SRRM3: variants seen among roughly 807,000 people sequenced by gnomAD.
SRRM3 encodes serine/arginine repetitive matrix 3.
Under a neutral mutation model 66.2 loss-of-function variants are expected in SRRM3, and 27 were observed. The observed-to-expected ratio is 0.41, with a 90% CI of 0.30 to 0.56. The LOEUF (loss-of-function observed/expected upper bound fraction) is 0.56, where lower values mean the gene tolerates loss of function less well. Ranked by LOEUF, SRRM3 falls within the 20% of genes least tolerant of loss-of-function variation. The pLI, the probability that SRRM3 is intolerant of heterozygous loss-of-function variation, is 0.32. For synonymous variants in SRRM3, 391 were observed against 414.9 expected (o/e 0.94, Z 0.70); for missense variants, 918 against 991.9 (o/e 0.93, Z 1.00).
intron 3 of SRRM3, among the ~76,000 whole-genome samples, chr7:76,257,322 G>A (rs1252564237): frequency 4.6e-5 from 7 of 151,852 alleles, no homozygotes. Flanking sequence ...CTGAAACCAG[G>A]GCTAAGCCTC....
At chr7:76,254,148 C>T (rs1801649146) in intron 3 of SRRM3, among the ~76,000 whole-genome samples, 1 of 151,926 alleles carries the variant, frequency 6.6e-6, no homozygotes, top group East Asian at 1.9e-4. Flanking sequence ...CAGGCATGCA[C>T]CACCACATCC....
intron 1 of SRRM3, among the ~76,000 whole-genome samples, chr7:76,229,741 C>CTTTTT (rs869140956): frequency 7.5e-5 from 10 of 133,076 alleles, no homozygotes; most frequent in South Asian, 2.4e-4. Flanking sequence ...TCTTCTTCTT[C>CTTTTT]TTTTTTTTTT....
In SRRM3 at chr7:76,217,981, C is replaced by T. The variant is rs549794774; in HGVS notation, c.-40+15914C>T. Among the ~76,000 whole-genome samples, 11 of 152,280 alleles carry T rather than the reference C, an allele frequency of 7.2e-5. No individual in the cohort carries two copies. The South Asian group carries it at 2.1e-3, about 29-fold the overall frequency. On this transcript the variant is annotated intron_variant, in intron 1 of 14. Transcript: ENST00000611745. ...AATGGTGCAGTTTAGACTAACACTA[C>T]CCAAGCCCTGCCAGTATCCAGGCCC...
intron 8 of SRRM3, among the ~76,000 whole-genome samples, chr7:76,262,343 T>A (rs1244166860): frequency 3.3e-5 from 5 of 151,836 alleles, no homozygotes; most frequent in South Asian, 2.1e-4. Context: ...CTGTCTCTAC[T>A]GAAAATACGA....
chr7:76,260,007 C>T lies in SRRM3; in HGVS notation c.437C>T (p.Ser146Phe). ...CCAGTGGACTGTGACTGCCCGGCCT[C>T]CTGCTACCGCGGCCACCGCGGGTAC... ...DGPVDCDCPA[S>F]CYRGHRGYRT... Residue 146 changes from serine (S) to phenylalanine (F), a missense_variant, in exon 4 of 15, where the codon TCC becomes TTC. Coordinates refer to ENST00000611745, the MANE Select transcript of SRRM3 (RefSeq NM_001110199.3). 1.3e-6 allele frequency: 2 copies of T among 1,582,312 alleles called. No homozygotes were observed. Among genetic ancestry groups the T allele is most frequent in the Non-Finnish European group, 1.7e-6 (2 of 1,169,900 alleles).
intron 11 of SRRM3, among the ~76,000 whole-genome samples, chr7:76,274,101 A>G (rs1554610817): frequency 6.6e-6 from 1 of 152,202 alleles, no homozygotes; most frequent in Non-Finnish European, 1.5e-5. Flanking sequence ...GACTTCGGTC[A>G]CCCCGCTGGC....
intron 14 of SRRM3, among the ~76,000 whole-genome samples, chr7:76,284,441 G>T (rs1228999108): frequency 6.6e-6 from 1 of 152,182 alleles, no homozygotes; most frequent in Non-Finnish European, 1.5e-5. Flanking sequence ...GCCTCCCAAA[G>T]TGGTGGGATT....
chr7:76,235,119 C>G lies in SRRM3; in HGVS notation c.53C>G (p.Ala18Gly). 1 of 1,585,804 alleles carries G rather than the reference C, an allele frequency of 6.3e-7. No individual in the cohort carries two copies. Among genetic ancestry groups the G allele is most frequent in the South Asian group, 1.1e-5 (1 of 88,066 alleles). Residue 18 changes from alanine (A) to glycine (G), a missense_variant, in exon 2 of 15, where the codon GCC (alanine) becomes GGC (glycine). Ala to Gly is a moderately conservative substitution (Grantham distance 60). Coordinates refer to ENST00000611745, the MANE Select transcript of SRRM3 (RefSeq NM_001110199.3). ...GCCAGCATGCAGTCCACACCCGACGCCGCGAACGGCTTCCCGCAGCCCAGC... is the reference window on the plus strand; with the variant it reads ...GCCAGCATGCAGTCCACACCCGACGGCGCGAACGGCTTCCCGCAGCCCAGC... ...GAASMQSTPD[A>G]ANGFPQPSSS... is the part of the protein sequence containing the mutation.
intron 11 of SRRM3, among the ~76,000 whole-genome samples, chr7:76,275,585 G>C (rs1802328720): frequency 6.6e-6 from 1 of 152,106 alleles, no homozygotes. Context: ...ATGAGGAAGA[G>C]GAGGGTCCGT....
rs1380893360 is a variant in SRRM3 at position 76,264,623 on chromosome 7, G to A, written c.675-142G>A. ...AAGGGACAAAGGGGTGGAGTAGGAT[G>A]GAAAAGTCCCCGCCAGCCATGGGGC... On this transcript the variant is annotated intron_variant, in intron 8 of 14. Coordinates refer to ENST00000611745, the MANE Select transcript of SRRM3 (RefSeq NM_001110199.3). 4 of 782,070 alleles carry A rather than the reference G, an allele frequency of 5.1e-6. No homozygotes were observed. The African/African-American group carries it at 5.3e-5, about 10-fold the overall frequency. The allele number at this position is 782,070 out of a possible 1,614,324, so 48.4% of individuals were successfully genotyped here.
chr7:76,233,263 T>C (rs1370911427), intron 1 of SRRM3, among the ~76,000 whole-genome samples: 1 of 151,972 alleles, frequency 6.6e-6, no homozygotes, highest in Non-Finnish European at 1.5e-5. Flanking sequence ...CAGTGAGCTA[T>C]GACTGTGCCA....
At chr7:76,227,375 C>T (rs1307233668) in intron 1 of SRRM3, among the ~76,000 whole-genome samples, 1 of 152,188 alleles carries the variant, frequency 6.6e-6, no homozygotes, top group Admixed American at 6.5e-5. Context: ...ATTTGTTCTC[C>T]GTGTTCCCCA....
intron 11 of SRRM3, among the ~76,000 whole-genome samples, chr7:76,278,156 A>C (rs1460653610): frequency 5.9e-5 from 9 of 152,096 alleles, no homozygotes; most frequent in African/African-American, 2.2e-4. Context: ...AGGGGAGCTG[A>C]TGGTCTCCTG....
At position 76,241,112 on chromosome 7, in the gene SRRM3, G is replaced by A. The variant is rs553017681; in HGVS notation, c.233+5813G>A. The stretch of plus-strand genomic sequence containing the variant: ...GGGTTTCACCATGTTGGCCAGGCTG[G>A]TCTCAAACTCCTGACCTCAAGTGAT... On this transcript the variant is annotated intron_variant, in intron 2 of 14. Transcript: ENST00000611745. Among the ~76,000 whole-genome samples the A allele has an allele frequency of 5.6e-4, 85 of 152,240 alleles. No homozygotes were observed. In the Middle Eastern group the frequency reaches 0.014, roughly 24 times the overall value.
intron 11 of SRRM3, chr7:76,273,162 T>C (rs1802254309): frequency 6.6e-6 from 1 of 152,376 alleles, no homozygotes; most frequent in Non-Finnish European, 1.5e-5. Context: ...CCCATTTCTA[T>C]CTCTGCCTGA....
At chr7:76,221,699 G>T (rs1800726576) in intron 1 of SRRM3, among the ~76,000 whole-genome samples, 1 of 152,172 alleles carries the variant, frequency 6.6e-6, no homozygotes, top group African/African-American at 2.4e-5. Context: ...GGTCTCTACT[G>T]GTCTGTGTGG....
At position 76,281,603 on chromosome 7, in the gene SRRM3, C is replaced by A; in HGVS notation, c.1171C>A (p.Arg391Ser). ...GGAGRRRRRR[R>S]RRRRSRSSAS... The stretch of plus-strand genomic sequence containing the variant: ...GGCGGGCAGGCGGCGGCGGCGGCGG[C>A]GTAGGCGGCGGCGCTCGCGGTCCTC... Residue 391 changes from arginine (R) to serine (S), a missense_variant, in exon 12 of 15, where the codon CGT becomes AGT. Transcript: ENST00000611745. The A allele has an allele frequency of 1.0e-6, 1 of 975,568 alleles. No individual in the cohort carries two copies. Among genetic ancestry groups the A allele is most frequent in the Non-Finnish European group, 1.2e-6 (1 of 823,640 alleles). The allele number at this position is 975,568 out of a possible 1,614,324, so 60.4% of individuals were successfully genotyped here.
chr7:76,272,875 G>C (rs1040056724), intron 11 of SRRM3, among the ~76,000 whole-genome samples: 4 of 152,132 alleles, frequency 2.6e-5, no homozygotes, highest in Admixed American at 2.0e-4. Flanking sequence ...AACAGAAAAA[G>C]GCAAAAGGGA....
At chr7:76,215,949 C>T (rs1800559172) in intron 1 of SRRM3, among the ~76,000 whole-genome samples, 1 of 151,416 alleles carries the variant, frequency 6.6e-6, no homozygotes, top group Admixed American at 6.6e-5. Context: ...AGGTGCCCAC[C>T]ACCACGCCCA....
Sources: gnomAD v4.1 joint callset for allele counts (sites outside exome capture counted in the v4.1 genomes callset) on GRCh38, gnomAD v4.1.1 for gene constraint, MANE v1.5 for transcripts, NCBI Gene and HGNC (gene_info 2026-07-23, HGNC 2026-07-21) for gene names.